The following JMJD1C variants were observed in gnomAD, a reference collection of about 807,000 sequenced individuals.
JMJD1C encodes the protein jumonji domain containing 1C.
In JMJD1C, 31 loss-of-function variants were observed where a neutral mutation model predicts 245.3. That is an observed-to-expected ratio of 0.13 (90% CI 0.09 to 0.17). The LOEUF is 0.17. Among genes scored for constraint, JMJD1C ranks in the 10% least tolerant of loss-of-function variants. JMJD1C has a pLI of 1.00. For missense variants in JMJD1C, 2,691 were observed against 3,000.2 expected (o/e 0.90, Z 2.41); for synonymous variants, 1,057 against 1,017.4 (o/e 1.04, Z -0.74).
intron 1 of JMJD1C, among the ~76,000 whole-genome samples, chr10:63,405,576 G>C (rs1390032104): frequency 6.6e-6 from 1 of 152,098 alleles, no homozygotes; most frequent in Non-Finnish European, 1.5e-5. Flanking sequence ...ACCCACCTCA[G>C]TCTCCCAAAG....
At chr10:63,239,579 G>A (rs973605875) in intron 3 of JMJD1C, among the ~76,000 whole-genome samples, 3 of 152,098 alleles carry the variant, frequency 2.0e-5, no homozygotes, top group South Asian at 4.1e-4. Flanking sequence ...TGAGTAGCTG[G>A]GACTACAGGC....
At chr10:63,276,549 G>A (rs1856794621) in intron 2 of JMJD1C, among the ~76,000 whole-genome samples, 1 of 152,096 alleles carries the variant, frequency 6.6e-6, no homozygotes, top group African/African-American at 2.4e-5. Context: ...GCTGGACATG[G>A]TGGCAGGTGC....
chr10:63,512,638 T>C (rs528954158), intron 1 of JMJD1C, among the ~76,000 whole-genome samples: 1 of 152,354 alleles, frequency 6.6e-6, no homozygotes, highest in Admixed American at 6.5e-5. Context: ...CCTTTGATTT[T>C]CTGAAGTTTG....
intron 1 of JMJD1C, among the ~76,000 whole-genome samples, chr10:63,446,512 T>G (rs1360178438): frequency 6.6e-6 from 1 of 152,168 alleles, no homozygotes; most frequent in Non-Finnish European, 1.5e-5. Context: ...TAGGAATAGA[T>G]GTGACCAAGA....
At chr10:63,346,771 G>C (rs576277735) in intron 2 of JMJD1C, among the ~76,000 whole-genome samples, 1 of 152,214 alleles carries the variant, frequency 6.6e-6, no homozygotes, top group African/African-American at 2.4e-5. Flanking sequence ...TCTTTTAACA[G>C]TCTATTGGTC....
rs997302411 is a variant in JMJD1C at position 63,465,742 on chromosome 10, C to A, written c.-80G>T. The A allele has an allele frequency of 1.3e-5, 19 of 1,511,972 alleles. No homozygotes were observed. Among genetic ancestry groups the A allele is most frequent in the Non-Finnish European group, 1.7e-5 (19 of 1,106,388 alleles). The allele number at this position is 1,511,972 out of a possible 1,614,324, so 93.7% of individuals were successfully genotyped here. A position where few individuals can be genotyped will look rare whatever the true frequency, so the allele number is the denominator to read the frequency against. ...ACCTCACTCCTACCGGCCGCTCATGCTGAGGAGAGCGGACCGGGACACAGC... is the reference window on the plus strand; with the variant it reads ...ACCTCACTCCTACCGGCCGCTCATGATGAGGAGAGCGGACCGGGACACAGC... On this transcript the variant is annotated 5_prime_UTR_variant, in exon 1 of 26. Coordinates refer to ENST00000399262, the MANE Select transcript of JMJD1C (RefSeq NM_032776.3).
intron 3 of JMJD1C, among the ~76,000 whole-genome samples, chr10:63,258,379 G>T (rs1589307223): frequency 6.6e-6 from 1 of 152,150 alleles, no homozygotes; most frequent in Non-Finnish European, 1.5e-5. Flanking sequence ...AGCTGCTTCT[G>T]ATATTTACAA....
intron 1 of JMJD1C, among the ~76,000 whole-genome samples, chr10:63,517,079 T>C (rs1014745939): frequency 9.2e-5 from 14 of 152,204 alleles, no homozygotes; most frequent in African/African-American, 3.4e-4. Context: ...AATTTTAGCC[T>C]TTCTCCAAAT....
chr10:63,172,740 A>T (rs1842487719), intron 24 of JMJD1C, among the ~76,000 whole-genome samples: 1 of 151,708 alleles, frequency 6.6e-6, no homozygotes, highest in South Asian at 2.1e-4. Flanking sequence ...AGCCTAAAAA[A>T]GTGTAAAGAA....
intron 1 of JMJD1C, among the ~76,000 whole-genome samples, chr10:63,483,460 C>T (rs1953890534): frequency 1.3e-5 from 2 of 152,190 alleles, no homozygotes; most frequent in South Asian, 2.1e-4. Flanking sequence ...CCTGCCTCTG[C>T]GCATTAGATT....
rs530236010 is a variant in JMJD1C, at chr10:63,359,194, T to C, written c.333+21124A>G. ...AGTATCATCTTAGAGATTGCTATTA[T>C]AATTTCTCACTATTACCTAGCCATT... On this transcript the variant is annotated intron_variant, in intron 2 of 25. Transcript: ENST00000399262. 7 of 152,428 alleles carry C rather than the reference T, an allele frequency of 4.6e-5. No individual in the cohort carries two copies. In the East Asian group the frequency reaches 1.3e-3, roughly 29 times the overall value. The allele number at this position is 152,428 out of a possible 1,614,324, so 9.4% of individuals were successfully genotyped here.
At chr10:63,398,846 T>C (rs1948677089) in intron 1 of JMJD1C, among the ~76,000 whole-genome samples, 1 of 152,172 alleles carries the variant, frequency 6.6e-6, no homozygotes, top group Non-Finnish European at 1.5e-5. Flanking sequence ...GGTTTCACCA[T>C]GTTGGCCAGG....
rs534803928 is a variant in JMJD1C, at chr10:63,408,244, A to T, written c.169-27762T>A. On this transcript the variant is annotated intron_variant, in intron 1 of 25. Coordinates refer to ENST00000399262, the MANE Select transcript of JMJD1C (RefSeq NM_032776.3). ...CGGTGAAACCCCCTCTCTACTAAAA[A>T]TACAAAAAATTAGCTGGGCGTGGAG... Among the ~76,000 whole-genome samples the T allele has an allele frequency of 7.9e-5, 12 of 152,180 alleles. No homozygotes were observed. In the South Asian group the frequency reaches 2.5e-3, roughly 32 times the overall value.
At chr10:63,295,241 T>C (rs374103667) in intron 2 of JMJD1C, among the ~76,000 whole-genome samples, 79 of 143,242 alleles carry the variant, frequency 5.5e-4, no homozygotes, top group African/African-American at 2.1e-3. Context: ...AACACAGACA[T>C]GTGCCACTGT....
rs183896101 is a variant in JMJD1C, at chr10:63,317,159, T to C, written c.334-52395A>G. ...TACAGGCATGAGACACCATGCCCAG[T>C]CAGCATTTATCATTTCTATGTGCTA... is the stretch of plus-strand genomic sequence containing the variant. On this transcript the variant is annotated intron_variant, in intron 2 of 25. Transcript: ENST00000399262. 1.8e-3 allele frequency among the ~76,000 whole-genome samples: 278 copies of C among 151,874 alleles called. 2 individuals carry two copies. The highest frequency in any genetic ancestry group is 6.5e-3 in the African/African-American group (268 of 41,496).
At chr10:63,402,980 T>G (rs2132603300) in intron 1 of JMJD1C, among the ~76,000 whole-genome samples, 1 of 152,336 alleles carries the variant, frequency 6.6e-6, no homozygotes, top group East Asian at 1.9e-4. Context: ...ATCTTCTTCC[T>G]ATTCCTAAAA....
intron 1 of JMJD1C, among the ~76,000 whole-genome samples, chr10:63,407,217 G>C (rs984123079): frequency 6.6e-6 from 1 of 151,828 alleles, no homozygotes; most frequent in Admixed American, 6.6e-5. Context: ...ATTATGGTAC[G>C]AAAAAAAGGT....
At chr10:63,412,071 T>A (rs1949519647) in intron 1 of JMJD1C, among the ~76,000 whole-genome samples, 2 of 152,008 alleles carry the variant, frequency 1.3e-5, no homozygotes, top group African/African-American at 4.8e-5. Flanking sequence ...AAAAATGTGT[T>A]TTTTAAAAAC....
rs908650101 is a variant in JMJD1C at position 63,247,639 on chromosome 10, G to C, written c.447+17012C>G. ...TCCCAGCTACTTGGAGGTTGAGGCA[G>C]GAGAATTGCTTGGGCCAGAGAGGCG... On this transcript the variant is annotated intron_variant, in intron 3 of 25. Transcript: ENST00000399262. Among the ~76,000 whole-genome samples the C allele has an allele frequency of 3.4e-5, 5 of 146,506 alleles. No individual in the cohort carries two copies. The South Asian group carries it at 1.1e-3, about 32-fold the overall frequency.
Sources: allele counts gnomAD v4.1 joint callset (sites outside exome capture counted in the v4.1 genomes callset), GRCh38; gene constraint gnomAD v4.1.1; transcripts MANE v1.5; gene names NCBI Gene and HGNC (gene_info 2026-07-23, HGNC 2026-07-21).